SEMA3A: variants seen among roughly 807,000 people sequenced by gnomAD.
SEMA3A encodes the protein semaphorin-3A.
Under a neutral mutation model 97.9 loss-of-function variants are expected in SEMA3A, and 29 were observed. That is an observed-to-expected ratio of 0.30 (90% CI 0.22 to 0.40). The LOEUF (loss-of-function observed/expected upper bound fraction) is 0.40, where lower values mean the gene tolerates loss of function less well. Among genes scored for constraint, SEMA3A ranks in the 10% least tolerant of loss-of-function variants. SEMA3A has a pLI of 1.00. For synonymous variants in SEMA3A, 321 were observed against 323.7 expected, an observed-to-expected ratio of 0.99 and a Z score of 0.09; for missense variants, 763 against 951.3, an observed-to-expected ratio of 0.80 and a Z score of 2.60.
At chr7:84,117,617 A>AG (rs1795474541) in intron 3 of SEMA3A, among the ~76,000 whole-genome samples, 1 of 152,230 alleles carries the variant, frequency 6.6e-6, no homozygotes. Context: ...CAAGGGATCT[A>AG]GGTTGAGGTC....
At chr7:84,323,571 T>A (rs1801703716) in intron 2 of SEMA3A, among the ~76,000 whole-genome samples, 1 of 151,826 alleles carries the variant, frequency 6.6e-6, no homozygotes, top group South Asian at 2.1e-4. Flanking sequence ...AAATTTTGAG[T>A]GGAAACATAG....
At chr7:84,081,436 C>CA (rs1229865550) in intron 4 of SEMA3A, among the ~76,000 whole-genome samples, 2 of 151,606 alleles carry the variant, frequency 1.3e-5, no homozygotes, top group East Asian at 1.9e-4. Flanking sequence ...ACTAAAAATA[C>CA]AAAAAAATTA....
chr7:84,258,552 C>T (rs964910149), intron 3 of SEMA3A, among the ~76,000 whole-genome samples: 1 of 75,122 alleles, frequency 1.3e-5, no homozygotes, highest in Admixed American at 1.1e-4. Context: ...TTGGTTTTTG[C>T]AGGATTTTAC....
intron 1 of SEMA3A, among the ~76,000 whole-genome samples, chr7:84,463,246 T>C (rs973584741): frequency 4.8e-5 from 4 of 83,816 alleles, no homozygotes; most frequent in Non-Finnish European, 8.8e-5. Context: ...TCTTTTTTTT[T>C]TTTTTTTTTT....
chr7:84,030,987 G>GTTTTTTT (rs10615974), intron 6 of SEMA3A, among the ~76,000 whole-genome samples: 28 of 95,018 alleles, frequency 2.9e-4, no homozygotes, highest in African/African-American at 7.3e-4. Context: ...TTTTGGTCAA[G>GTTTTTTT]TTTTTTTTTT....
chr7:84,428,297 G>A (rs1286285255), intron 1 of SEMA3A, among the ~76,000 whole-genome samples: 1 of 151,984 alleles, frequency 6.6e-6, no homozygotes, highest in Non-Finnish European at 1.5e-5. Flanking sequence ...CTCTTTAGCA[G>A]TTATTATAAA....
chr7:84,001,173 G>A lies in SEMA3A; in HGVS notation c.1452+782C>T, dbSNP rs531566661. 5.3e-5 allele frequency among the ~76,000 whole-genome samples: 8 copies of A among 151,610 alleles called. No individual in the cohort carries two copies. In the South Asian group the frequency reaches 1.7e-3, roughly 32 times the overall value. ...ACAGGCATGTATTTTTCTGTCATAT[G>A]TCATTAATCATTTCAAGGTGTGCTT... On this transcript the variant is annotated intron_variant, in intron 12 of 16. Coordinates refer to ENST00000265362, the MANE Select transcript of SEMA3A (RefSeq NM_006080.3).
At chr7:84,098,685 T>C (rs1162641612) in intron 4 of SEMA3A, among the ~76,000 whole-genome samples, 1 of 152,108 alleles carries the variant, frequency 6.6e-6, no homozygotes, top group Non-Finnish European at 1.5e-5. Flanking sequence ...GGATTTAACT[T>C]GAAATTCAAA....
intron 1 of SEMA3A, among the ~76,000 whole-genome samples, chr7:84,475,628 G>C (rs1446368464): frequency 1.3e-5 from 2 of 152,248 alleles, no homozygotes; most frequent in Admixed American, 1.3e-4. Flanking sequence ...TGGAAAGTCG[G>C]AGGTGCCCCT....
chr7:84,083,676 A>G (rs1794237649), intron 4 of SEMA3A, among the ~76,000 whole-genome samples: 1 of 152,046 alleles, frequency 6.6e-6, no homozygotes, highest in Admixed American at 6.6e-5. Flanking sequence ...ATAATTGTAT[A>G]TCAATTCAAA....
chr7:84,202,940 T>A (rs1381754125), intron 3 of SEMA3A, among the ~76,000 whole-genome samples: 3 of 152,224 alleles, frequency 2.0e-5, no homozygotes, highest in Non-Finnish European at 4.4e-5. Flanking sequence ...ACTGTTATAC[T>A]CATTTCATTA....
At chr7:84,185,302 C>T (rs1797844831) in intron 1 of SEMA3A, among the ~76,000 whole-genome samples, 1 of 151,946 alleles carries the variant, frequency 6.6e-6, no homozygotes, top group African/African-American at 2.4e-5. Flanking sequence ...ACAACGTTGT[C>T]TAATATATAT....
chr7:84,095,357 AC>A lies in SEMA3A; in HGVS notation c.453+15112del, dbSNP rs1449274736. ...TATATATATTTTATATTTTTTATATACATATATATATATATATATATATATA... is the reference window on the plus strand; with the variant it reads ...TATATATATTTTATATTTTTTATATAATATATATATATATATATATATATA... On this transcript the variant is annotated intron_variant, in intron 4 of 16. Transcript: ENST00000265362. Among the ~76,000 whole-genome samples the A allele has an allele frequency of 5.6e-3, 531 of 94,456 alleles. 1 individual carries two copies. The highest frequency in any genetic ancestry group is 6.0e-3 in the African/African-American group (115 of 19,106). 62.0% of individuals were successfully genotyped at this position (94,456 alleles called of 152,430 possible).
Position 84,190,285 on chromosome 7 carries a change from T to C in SEMA3A, c.112+4190A>G, listed in dbSNP as rs1008200560. Among the ~76,000 whole-genome samples, 9 of 151,844 alleles carry C rather than the reference T, an allele frequency of 5.9e-5. 1 individual carries two copies. Among genetic ancestry groups the C allele is most frequent in the Admixed American group, 1.3e-4 (2 of 15,214 alleles). ...AGATGTGTGACTAAGTGTTTTATTT[T>C]ATGTTCATTTTACATTATTTGCCAG... On this transcript the variant is annotated intron_variant, in intron 1 of 16. Coordinates refer to ENST00000265362, the MANE Select transcript of SEMA3A (RefSeq NM_006080.3).
intron 1 of SEMA3A, among the ~76,000 whole-genome samples, chr7:84,463,280 G>A (rs1228978911): frequency 9.7e-6 from 1 of 103,406 alleles, no homozygotes; most frequent in Non-Finnish European, 1.8e-5. Flanking sequence ...AGGGACTCTT[G>A]CTCTGTCACA....
chr7:84,123,829 G>A (rs1795709134), intron 3 of SEMA3A, among the ~76,000 whole-genome samples: 1 of 150,748 alleles, frequency 6.6e-6, no homozygotes, highest in Admixed American at 6.6e-5. Context: ...ATATATATGA[G>A]AGAGAGAGAG....
chr7:84,382,217 C>T (rs368550623), intron 1 of SEMA3A, among the ~76,000 whole-genome samples: 1 of 151,986 alleles, frequency 6.6e-6, no homozygotes. Context: ...AAACAATTCT[C>T]CTGCCTCAGC....
In SEMA3A at chr7:84,002,052, A is replaced by G; in HGVS notation, c.1361-6T>C. 1 of 1,572,266 alleles carries G rather than the reference A, an allele frequency of 6.4e-7. No individual in the cohort carries two copies. The highest frequency in any genetic ancestry group is 1.7e-5 in the Admixed American group (1 of 58,842). ...TTTAAGAACGGTCCCAACATCTTTGAAAGAAAGTGGGGAGAAGACCACAAG... is the reference window on the plus strand; with the variant it reads ...TTTAAGAACGGTCCCAACATCTTTGGAAGAAAGTGGGGAGAAGACCACAAG... On this transcript the variant is annotated splice_region_variant and splice_polypyrimidine_tract_variant and intron_variant, in intron 11 of 16. Coordinates refer to ENST00000265362, the MANE Select transcript of SEMA3A (RefSeq NM_006080.3).
intron 1 of SEMA3A, among the ~76,000 whole-genome samples, chr7:84,408,801 A>G (rs1584301145): frequency 6.6e-6 from 1 of 151,782 alleles, no homozygotes; most frequent in African/African-American, 2.4e-5. Context: ...AGGACAAAAA[A>G]CCAAACACCA....
Sources: allele counts gnomAD v4.1 joint callset (sites outside exome capture counted in the v4.1 genomes callset), GRCh38; gene constraint gnomAD v4.1.1; transcripts MANE v1.5; gene names NCBI Gene and HGNC (gene_info 2026-07-23, HGNC 2026-07-21).